TSG101: variants seen among roughly 807,000 people sequenced by gnomAD.
TSG101 encodes tumor susceptibility gene 101 protein.
TSG101 carries 19 observed loss-of-function variants against 48.5 expected under a neutral mutation model. The observed-to-expected ratio is 0.39, with a 90% confidence interval of 0.27 to 0.58. The LOEUF is 0.58. Among genes scored for constraint, TSG101 ranks in the 20% least tolerant of loss-of-function variants. The probability of loss-of-function intolerance (pLI) is 0.55; values close to 1 mark genes in which losing one functional copy is unlikely to be tolerated. For missense variants in TSG101, 365 were observed against 484.4 expected (o/e 0.75, Z 2.31); for synonymous variants, 174 against 169.4 (o/e 1.03, Z -0.21).
chr11:18,512,791 G>C (rs1590285288), intron 4 of TSG101, among the ~76,000 whole-genome samples: 1 of 148,390 alleles, frequency 6.7e-6, no homozygotes, highest in African/African-American at 2.5e-5. Context: ...GCAGTGGTGC[G>C]ATCTCGGCTC....
At chr11:18,502,018 TTC>T (rs1849897819) in intron 7 of TSG101, among the ~76,000 whole-genome samples, 1 of 152,196 alleles carries the variant, frequency 6.6e-6, no homozygotes, top group African/African-American at 2.4e-5. Context: ...TCTAAAGAAA[TTC>T]TCTCACTGCC....
intron 7 of TSG101, among the ~76,000 whole-genome samples, chr11:18,489,218 C>T: frequency 6.6e-6 from 1 of 151,414 alleles, no homozygotes; most frequent in African/African-American, 2.4e-5. Flanking sequence ...CTCTACAGAA[C>T]ATCATTCTAT....
chr11:18,525,634 T>C (rs760664470), intron 1 of TSG101: 23 of 972,316 alleles, frequency 2.4e-5, no homozygotes, highest in Admixed American at 6.2e-5. Flanking sequence ...AAAAGTGATA[T>C]ATAAAAGTTA....
chr11:18,481,314 A>G (rs967004748), intron 9 of TSG101: 32 of 985,344 alleles, frequency 3.2e-5, no homozygotes, highest in Non-Finnish European at 3.6e-5. Context: ...TTTAGGTGGT[A>G]TGACCTCAAA....
At chr11:18,489,729 C>T (rs1170766919) in intron 7 of TSG101, among the ~76,000 whole-genome samples, 1 of 152,218 alleles carries the variant, frequency 6.6e-6, no homozygotes, top group Non-Finnish European at 1.5e-5. Context: ...GGTCAAGTGT[C>T]TTTAAGTGCC....
intron 9 of TSG101, 40 bp downstream of exon 9, chr11:18,481,590 C>T: frequency 6.3e-7 from 1 of 1,596,306 alleles, no homozygotes; most frequent in Non-Finnish European, 8.5e-7. Flanking sequence ...GCCTCTACAA[C>T]CCAAGTTAAA....
chr11:18,481,026 T>A (rs939511264), intron 9 of TSG101, among the ~76,000 whole-genome samples: 1 of 152,134 alleles, frequency 6.6e-6, no homozygotes, highest in African/African-American at 2.4e-5. Flanking sequence ...GATCAGCACA[T>A]GACCTGACCA....
chr11:18,514,962 C>A lies in TSG101; in HGVS notation c.194-121G>T, dbSNP rs1022754255. The A allele has an allele frequency of 5.6e-5, 49 of 872,866 alleles. 2 individuals are homozygous for A. The South Asian group carries it at 1.1e-3, about 20-fold the overall frequency. 54.1% of individuals were successfully genotyped at this position (872,866 alleles called of 1,614,324 possible). A position where few individuals can be genotyped will look rare whatever the true frequency, so the allele number is the denominator to read the frequency against. On this transcript the variant is annotated intron_variant, in intron 3 of 9. Transcript: ENST00000251968. ...TACATATATCCGCATCCCCCCCATT[C>A]CTATTTCCCCCAGCAGAATTTATTT...
intron 2 of TSG101, among the ~76,000 whole-genome samples, chr11:18,517,749 A>C (rs1310126695): frequency 1.3e-5 from 2 of 152,222 alleles, no homozygotes; most frequent in Non-Finnish European, 2.9e-5. Flanking sequence ...AAGTACACTC[A>C]ATGATGAAAT....
intron 9 of TSG101, chr11:18,481,302 A>C (rs1413848138): frequency 1.0e-6 from 1 of 985,330 alleles, no homozygotes; most frequent in African/African-American, 1.7e-5. Flanking sequence ...CAGTGATCTC[A>C]ATTTAGGTGG....
intron 9 of TSG101, 59 bp downstream of exon 9, chr11:18,481,571 A>T (rs940672899): frequency 9.6e-6 from 15 of 1,562,038 alleles, no homozygotes; most frequent in Non-Finnish European, 1.2e-5. Flanking sequence ...TGTGGTTTGC[A>T]AGGTCAGTGC....
At chr11:18,486,179 T>C (rs1849617605) in intron 7 of TSG101, among the ~76,000 whole-genome samples, 1 of 152,212 alleles carries the variant, frequency 6.6e-6, no homozygotes, top group Admixed American at 6.5e-5. Flanking sequence ...CTCCCTGTCT[T>C]GCTCACTCTT....
At chr11:18,504,443 C>A (rs1463707760) in intron 6 of TSG101, among the ~76,000 whole-genome samples, 1 of 151,796 alleles carries the variant, frequency 6.6e-6, no homozygotes, top group Non-Finnish European at 1.5e-5. Context: ...AAAAAGAAAG[C>A]ATTTTTGTTC....
chr11:18,512,894 ATTT>A lies in TSG101; in HGVS notation c.357+1781_357+1783del, dbSNP rs1042202703. On this transcript the variant is annotated intron_variant, in intron 4 of 9. Transcript: ENST00000251968. ...AGACATGTGCCATCATGCCTGGCTA[ATTT>A]TTATATTTTTAGTAGAAATGGGATT... Among the ~76,000 whole-genome samples, 41 of 151,690 alleles carry A rather than the reference ATTT, an allele frequency of 2.7e-4. 1 individual carries two copies. The highest frequency in any genetic ancestry group is 1.7e-3 in the Admixed American group (26 of 15,236).
chr11:18,510,182 A>C (rs1219628831), intron 4 of TSG101, among the ~76,000 whole-genome samples: 1 of 152,336 alleles, frequency 6.6e-6, no homozygotes. Flanking sequence ...GCACTTTGGG[A>C]GGCCAAGGTG....
Position 18,483,884 on chromosome 11 carries a change from A to C in TSG101, c.829T>G (p.Leu277Val). 1 of 1,614,124 alleles carries C rather than the reference A, an allele frequency of 6.2e-7. No homozygotes were observed. Among genetic ancestry groups the C allele is most frequent in the Non-Finnish European group, 8.5e-7 (1 of 1,180,034 alleles). The change falls in exon 8 of 10, where the codon TTA becomes GTA. Residue 277 changes from leucine to valine, a missense_variant. Leu to Val is a conservative substitution (Grantham distance 32). Transcript: ENST00000251968. ...GAGTCACTTACTACTTCTTGATCTAAACGGGTAACCATCTCTTCCAGTTTC... is the reference window on the plus strand; with the variant it reads ...GAGTCACTTACTACTTCTTGATCTACACGGGTAACCATCTCTTCCAGTTTC... ...HQKLEEMVTR[L>V]DQEVAEVDKN...
chr11:18,514,425 TCCTG>T (rs1176724050), intron 4 of TSG101, among the ~76,000 whole-genome samples: 1 of 152,208 alleles, frequency 6.6e-6, no homozygotes, highest in Non-Finnish European at 1.5e-5. Context: ...ACTATGTGAA[TCCTG>T]CCTATTTTAA....
chr11:18,483,696 G>T, intron 8 of TSG101, 174 bp downstream of exon 8: 1 of 681,292 alleles, frequency 1.5e-6, no homozygotes, highest in Non-Finnish European at 2.4e-6. Flanking sequence ...AAGACCAAAT[G>T]CCAAACATAG....
At chr11:18,516,883 G>C (rs1421929375) in intron 2 of TSG101, among the ~76,000 whole-genome samples, 1 of 151,930 alleles carries the variant, frequency 6.6e-6, no homozygotes, top group Non-Finnish European at 1.5e-5. Context: ...AGAGGTTGCA[G>C]TGAGCCGAGA....
Sources: allele counts gnomAD v4.1 joint callset (sites outside exome capture counted in the v4.1 genomes callset), GRCh38; gene constraint gnomAD v4.1.1; transcripts MANE v1.5; gene names NCBI Gene and HGNC (gene_info 2026-07-23, HGNC 2026-07-21).